The following VPS13B variants were observed in gnomAD, a reference collection of about 807,000 sequenced individuals.
The protein encoded by VPS13B is vacuolar protein sorting 13 homolog B, also known as intermembrane lipid transfer protein VPS13B.
VPS13B carries 285 observed loss-of-function variants against 426.4 expected under a neutral mutation model. The observed-to-expected ratio is 0.67, with a 90% CI of 0.61 to 0.74. The LOEUF (loss-of-function observed/expected upper bound fraction) is 0.74, where lower values mean the gene tolerates loss of function less well. VPS13B is among the 30% of genes least tolerant of loss of function. The probability of loss-of-function intolerance (pLI) is 0.00; values close to 1 mark genes in which losing one functional copy is unlikely to be tolerated. For synonymous variants in VPS13B, 1,676 were observed against 1,676.4 expected (o/e 1.00, Z 0.01); for missense variants, 4,537 against 4,782.6 (o/e 0.95, Z 1.51).
At chr8:99,113,001 TTTC>T (rs747194297) in intron 6 of VPS13B, among the ~76,000 whole-genome samples, 3 of 151,958 alleles carry the variant, frequency 2.0e-5, no homozygotes, top group Non-Finnish European at 4.4e-5. Flanking sequence ...TCTTTCTTCT[TTTC>T]TTTTCTCTCT....
At chr8:99,469,107 A>G (rs1447453944) in intron 24 of VPS13B, among the ~76,000 whole-genome samples, 3 of 151,984 alleles carry the variant, frequency 2.0e-5, no homozygotes, top group Admixed American at 2.0e-4. Context: ...GAACACTGTC[A>G]TAAAAACTTA....
intron 21 of VPS13B, among the ~76,000 whole-genome samples, chr8:99,407,754 GGT>G (rs939230414): frequency 2.8e-4 from 43 of 151,718 alleles, no homozygotes; most frequent in African/African-American, 1.0e-3. Flanking sequence ...GTGCCATGTT[GGT>G]GTGCTGCACC....
intron 3 of VPS13B, among the ~76,000 whole-genome samples, chr8:99,045,698 G>A (rs1843207041): frequency 6.6e-6 from 1 of 152,150 alleles, no homozygotes; most frequent in Admixed American, 6.5e-5. Flanking sequence ...TTAAGTCCTT[G>A]ATCCATCTTG....
chr8:99,579,061 G>T (rs1037413080), intron 33 of VPS13B, among the ~76,000 whole-genome samples: 1 of 152,120 alleles, frequency 6.6e-6, no homozygotes, highest in Non-Finnish European at 1.5e-5. Flanking sequence ...AAGTACAGAT[G>T]ACATGAACAT....
chr8:99,575,125 C>T (rs1332356661), intron 31 of VPS13B, among the ~76,000 whole-genome samples: 1 of 152,032 alleles, frequency 6.6e-6, no homozygotes, highest in Non-Finnish European at 1.5e-5. Flanking sequence ...ATGATTGCAC[C>T]ACTGCACTCC....
chr8:99,828,381 G>C, intron 51 of VPS13B, among the ~76,000 whole-genome samples: 1 of 103,956 alleles, frequency 9.6e-6, no homozygotes, highest in African/African-American at 3.7e-5. Context: ...CAGAGACTAG[G>C]ATTACAACCA....
intron 39 of VPS13B, among the ~76,000 whole-genome samples, chr8:99,722,325 C>T (rs573309305): frequency 2.1e-4 from 32 of 152,128 alleles, no homozygotes; most frequent in Non-Finnish European, 4.0e-4. Context: ...TGTTTACTTG[C>T]GTGTGATCTT....
At chr8:99,459,483 C>A (rs1029592709) in intron 23 of VPS13B, among the ~76,000 whole-genome samples, 2 of 152,110 alleles carry the variant, frequency 1.3e-5, no homozygotes, top group Non-Finnish European at 2.9e-5. Flanking sequence ...TATACATATA[C>A]AAAGCTAGAT....
chr8:99,306,538 G>T (rs1820644994), intron 19 of VPS13B, among the ~76,000 whole-genome samples: 1 of 152,048 alleles, frequency 6.6e-6, no homozygotes, highest in Non-Finnish European at 1.5e-5. Context: ...ATTCAGGATT[G>T]TTTTTGCCTA....
chr8:99,683,465 G>A (rs1341714346), intron 35 of VPS13B, among the ~76,000 whole-genome samples: 1 of 152,014 alleles, frequency 6.6e-6, no homozygotes, highest in African/African-American at 2.4e-5. Flanking sequence ...GTCTGCCTTC[G>A]AATTCATGAA....
chr8:99,763,990 A>G (rs1451962172), intron 39 of VPS13B, among the ~76,000 whole-genome samples: 4 of 152,236 alleles, frequency 2.6e-5, no homozygotes, highest in Admixed American at 6.5e-5. Flanking sequence ...AGTCCTGTTG[A>G]AAGATTGAGA....
At chr8:99,203,284 G>A (rs1814468619) in intron 17 of VPS13B, among the ~76,000 whole-genome samples, 1 of 152,124 alleles carries the variant, frequency 6.6e-6, no homozygotes. Flanking sequence ...CTCAATAGAT[G>A]CAGAAAAGGC....
Position 99,693,878 on chromosome 8 carries a change from C to G in VPS13B, c.6047-5647C>G, listed in dbSNP as rs1184108109. ...GGATACAAAATGAATGTACAAAAAT[C>G]ACAAGCATTCTTATACACCAACAAC... On this transcript the variant is annotated intron_variant, in intron 35 of 61. Coordinates refer to ENST00000357162, the MANE Select transcript of VPS13B (RefSeq NM_152564.5). Among the ~76,000 whole-genome samples, 2 of 146,992 alleles carry G rather than the reference C, an allele frequency of 1.4e-5. 1 individual carries two copies. The highest frequency in any genetic ancestry group is 3.0e-5 in the Non-Finnish European group (2 of 66,974).
intron 19 of VPS13B, among the ~76,000 whole-genome samples, chr8:99,374,190 T>G (rs1401707000): frequency 1.3e-5 from 2 of 151,988 alleles, no homozygotes; most frequent in African/African-American, 4.8e-5. Flanking sequence ...GATTTAAAAT[T>G]TTTTTCTGTG....
chr8:99,389,968 T>G (rs573312141), intron 20 of VPS13B, among the ~76,000 whole-genome samples: 2 of 152,246 alleles, frequency 1.3e-5, no homozygotes, highest in East Asian at 3.9e-4. Context: ...AAGGAGCATA[T>G]CTCATCTAGG....
chr8:99,266,422 G>GA (rs999722073), intron 17 of VPS13B, among the ~76,000 whole-genome samples: 9 of 150,282 alleles, frequency 6.0e-5, no homozygotes, highest in Middle Eastern at 3.4e-3. Context: ...TTAAAAAAAA[G>GA]AAAAAAAAAT....
chr8:99,817,912 AG>A, intron 45 of VPS13B, 109 bp downstream of exon 45: 1 of 1,539,982 alleles, frequency 6.5e-7, no homozygotes, highest in Non-Finnish European at 8.9e-7. Context: ...CATATAAAAA[AG>A]GGGAGTGAAA....
At chr8:99,071,045 C>T (rs184350545) in intron 3 of VPS13B, among the ~76,000 whole-genome samples, 82 of 152,244 alleles carry the variant, frequency 5.4e-4, no homozygotes, top group African/African-American at 1.9e-3. Context: ...TTTAGGTTCT[C>T]TGTCTGAAAG....
At chr8:99,595,185 A>T (rs892957931) in intron 33 of VPS13B, among the ~76,000 whole-genome samples, 15 of 151,932 alleles carry the variant, frequency 9.9e-5, no homozygotes, top group Non-Finnish European at 2.2e-4. Flanking sequence ...TGGGGGTTAC[A>T]TATAGATGAA....
Sources: gnomAD v4.1 joint callset for allele counts (sites outside exome capture counted in the v4.1 genomes callset) on GRCh38, gnomAD v4.1.1 for gene constraint, MANE v1.5 for transcripts, NCBI Gene and HGNC (gene_info 2026-07-23, HGNC 2026-07-21) for gene names.